CABLES1: variants seen among roughly 807,000 people sequenced by gnomAD.
The protein encoded by CABLES1 is CDK5 and ABL1 enzyme substrate 1.
CABLES1 carries 36 observed loss-of-function variants against 57.8 expected under a neutral mutation model. The observed-to-expected ratio is 0.62, with a 90% CI of 0.48 to 0.82. CABLES1 has a LOEUF of 0.82. CABLES1 is among the 40% of genes least tolerant of loss of function. The probability of loss-of-function intolerance (pLI) is 0.00; values close to 1 mark genes in which losing one functional copy is unlikely to be tolerated. For missense variants in CABLES1, 767 were observed against 836.6 expected, an observed-to-expected ratio of 0.92 and a Z score of 1.03; for synonymous variants, 374 against 363.0, an observed-to-expected ratio of 1.03 and a Z score of -0.35.
chr18:23,189,108 G>A (rs973700020), intron 2 of CABLES1, 199 bp downstream of exon 2: 5 of 530,168 alleles, frequency 9.4e-6, no homozygotes, highest in Middle Eastern at 5.0e-4. Flanking sequence ...CCAATTAGGT[G>A]TTGGAGTAGC....
chr18:23,174,830 A>ATATATATATATATATATATATATC (rs2047111194), intron 1 of CABLES1, among the ~76,000 whole-genome samples: 1 of 111,294 alleles, frequency 9.0e-6, no homozygotes, highest in Non-Finnish European at 1.7e-5. Flanking sequence ...CCATATATAT[A>ATATATATATATATATATATATATC]TATATATATA....
intron 4 of CABLES1, among the ~76,000 whole-genome samples, chr18:23,220,665 C>T (rs2047480422): frequency 6.6e-6 from 1 of 152,126 alleles, no homozygotes; most frequent in African/African-American, 2.4e-5. Context: ...GAAGATGGAG[C>T]TCGGAGGTCA....
At chr18:23,172,723 T>C (rs2144992102) in intron 1 of CABLES1, among the ~76,000 whole-genome samples, 1 of 152,374 alleles carries the variant, frequency 6.6e-6, no homozygotes, top group East Asian at 1.9e-4. Context: ...CACGTGGCTT[T>C]AAGCACAGCT....
intron 3 of CABLES1, chr18:23,204,414 G>T (rs556981042): frequency 6.6e-6 from 1 of 152,330 alleles, no homozygotes; most frequent in East Asian, 1.9e-4. Flanking sequence ...CGACTGAAAA[G>T]CTCACAGCCT....
rs151099827 is a variant in CABLES1, at chr18:23,153,184, C to T, written c.845+16577C>T. On this transcript the variant is annotated intron_variant, in intron 1 of 9. Transcript: ENST00000256925. Reference sequence around the variant, plus strand: ...AACCTTGGCTCACTGCAGCCTCGACCTCCTGGACTCAAGCAATCCTCCCAC... The same window carrying T: ...AACCTTGGCTCACTGCAGCCTCGACTTCCTGGACTCAAGCAATCCTCCCAC... Among the ~76,000 whole-genome samples the T allele has an allele frequency of 6.2e-4, 95 of 152,122 alleles. 1 individual carries two copies. Among genetic ancestry groups the T allele is most frequent in the African/African-American group, 2.2e-3 (92 of 41,522 alleles).
At chr18:23,177,982 T>C (rs757958248) in intron 1 of CABLES1, among the ~76,000 whole-genome samples, 1 of 152,200 alleles carries the variant, frequency 6.6e-6, no homozygotes, top group Non-Finnish European at 1.5e-5. Context: ...CATAGGTAAG[T>C]TGGCCGCAAA....
chr18:23,205,249 G>A (rs1213404322), intron 3 of CABLES1, among the ~76,000 whole-genome samples: 2 of 139,176 alleles, frequency 1.4e-5, no homozygotes, highest in Non-Finnish European at 3.0e-5. Context: ...GTGCAGTGGT[G>A]TGATCTTGGC....
intron 1 of CABLES1, among the ~76,000 whole-genome samples, chr18:23,153,132 C>A (rs1397197766): frequency 6.7e-6 from 1 of 149,228 alleles, no homozygotes; most frequent in Non-Finnish European, 1.5e-5. Flanking sequence ...TTTTTTTTTT[C>A]CCTCCCAGGC....
chr18:23,246,585 G>T (rs527365251), intron 7 of CABLES1, among the ~76,000 whole-genome samples: 26 of 151,908 alleles, frequency 1.7e-4, no homozygotes, highest in Non-Finnish European at 7.4e-5. Context: ...TAGAGATGGG[G>T]TTTCACCGTG....
intron 7 of CABLES1, 100 bp from the exon 8 acceptor site, chr18:23,252,860 C>T (rs1468447372): frequency 1.6e-5 from 12 of 739,780 alleles, no homozygotes; most frequent in Non-Finnish European, 2.6e-5. Flanking sequence ...TTTCCCGTTG[C>T]TCATGGCTTT....
At chr18:23,176,440 C>G (rs984791678) in intron 1 of CABLES1, among the ~76,000 whole-genome samples, 3 of 152,160 alleles carry the variant, frequency 2.0e-5, no homozygotes, top group Non-Finnish European at 4.4e-5. Flanking sequence ...CTGTGTGGCC[C>G]CCATTCCTAA....
chr18:23,137,368 T>C (rs2046829934), intron 1 of CABLES1, among the ~76,000 whole-genome samples: 1 of 152,234 alleles, frequency 6.6e-6, no homozygotes, highest in East Asian at 1.9e-4. Context: ...ATAGAGTTTG[T>C]CACCATGTAT....
intron 7 of CABLES1, among the ~76,000 whole-genome samples, chr18:23,249,216 T>A (rs1472879870): frequency 6.6e-6 from 1 of 152,210 alleles, no homozygotes; most frequent in Admixed American, 6.5e-5. Context: ...GTTTTTGGAA[T>A]CCTAGCTGCA....
chr18:23,145,524 G>A (rs2046886512), intron 1 of CABLES1, among the ~76,000 whole-genome samples: 1 of 152,064 alleles, frequency 6.6e-6, no homozygotes, highest in South Asian at 2.1e-4. Context: ...TTTCCCCAGG[G>A]TCACCATTAT....
rs1009940279 is a variant in CABLES1, at chr18:23,155,800, C to T, written c.845+19193C>T. 59 of 1,581,230 alleles carry T rather than the reference C, an allele frequency of 3.7e-5. 1 individual carries two copies. The highest frequency in any genetic ancestry group is 1.7e-4 in the Middle Eastern group (1 of 5,934). On this transcript the variant is annotated intron_variant, in intron 1 of 9. Coordinates refer to ENST00000256925, the MANE Select transcript of CABLES1 (RefSeq NM_001100619.3). ...TTTCATTTTGAGTCTTAGGTTTGGT[C>T]TCAACAGTGCTTGCTTAGCCTCCAG...
rs569579022 is a variant in CABLES1 at position 23,174,821 on chromosome 18, CATATATATATATATATATATATATATAT to C, written c.846-14004_846-13977del. ...ATTTGTATGTATATACATGTTACAC[CATATATATATATATATATATATATATAT>C]ATATATATATATGTTTTTTAAACTG... is the stretch of plus-strand genomic sequence containing the variant. On this transcript the variant is annotated intron_variant, in intron 1 of 9. Transcript: ENST00000256925. 3.2e-4 allele frequency among the ~76,000 whole-genome samples: 30 copies of C among 94,566 alleles called. 2 individuals carry two copies. Among genetic ancestry groups the C allele is most frequent in the Admixed American group, 2.2e-3 (19 of 8,518 alleles). 62.0% of individuals were successfully genotyped at this position (94,566 alleles called of 152,430 possible).
At chr18:23,136,639 C>T (rs752729389) in intron 1 of CABLES1, 32 bp downstream of exon 1, 4 of 1,288,658 alleles carry the variant, frequency 3.1e-6, no homozygotes, top group Non-Finnish European at 4.0e-6. Context: ...CGCACCCAAC[C>T]CTGCGTCCCG....
intron 9 of CABLES1, among the ~76,000 whole-genome samples, chr18:23,254,175 T>TC (rs1311454278): frequency 6.6e-6 from 1 of 152,172 alleles, no homozygotes; most frequent in African/African-American, 2.4e-5. Context: ...CAAAGTCCAT[T>TC]CTCAGACACC....
intron 7 of CABLES1, among the ~76,000 whole-genome samples, chr18:23,239,604 G>A (rs2047685195): frequency 6.6e-6 from 1 of 152,170 alleles, no homozygotes. Flanking sequence ...GCGCTGGGGT[G>A]TTTGCTTTAT....
Sources: gnomAD v4.1 joint callset for allele counts (sites outside exome capture counted in the v4.1 genomes callset) on GRCh38, gnomAD v4.1.1 for gene constraint, MANE v1.5 for transcripts, NCBI Gene and HGNC (gene_info 2026-07-23, HGNC 2026-07-21) for gene names.